SYT14: variants seen among roughly 807,000 people sequenced by gnomAD.
SYT14 encodes the protein synaptotagmin 14.
SYT14 carries 32 observed loss-of-function variants against 74.2 expected under a neutral mutation model. That is an observed-to-expected ratio of 0.43 (90% CI 0.33 to 0.58). The LOEUF (loss-of-function observed/expected upper bound fraction) is 0.58, where lower values mean the gene tolerates loss of function less well. Among genes scored for constraint, SYT14 ranks in the 20% least tolerant of loss-of-function variants. The pLI, the probability that SYT14 is intolerant of heterozygous loss-of-function variation, is 0.05. For missense variants in SYT14, 791 were observed against 981.8 expected (o/e 0.81, Z 2.60); for synonymous variants, 298 against 337.7 (o/e 0.88, Z 1.29).
chr1:210,057,877 C>G (rs1411231905), intron 5 of SYT14, among the ~76,000 whole-genome samples: 1 of 152,134 alleles, frequency 6.6e-6, no homozygotes, highest in African/African-American at 2.4e-5. Flanking sequence ...TTTCTTGTGA[C>G]TATTTGGGGG....
chr1:210,062,680 A>G (rs2081227513), intron 5 of SYT14, among the ~76,000 whole-genome samples: 1 of 151,732 alleles, frequency 6.6e-6, no homozygotes, highest in South Asian at 2.1e-4. Flanking sequence ...TGTACCTTTC[A>G]CTCCCATTTC....
chr1:210,160,613 C>A, intron 9 of SYT14, 116 bp from the exon 9 acceptor site: 2 of 856,768 alleles, frequency 2.3e-6, no homozygotes, highest in South Asian at 1.7e-5. Context: ...GTCCATTAAA[C>A]ATGGTATACA....
chr1:210,031,741 T>C (rs2080540675), intron 5 of SYT14, among the ~76,000 whole-genome samples: 1 of 152,090 alleles, frequency 6.6e-6, no homozygotes, highest in African/African-American at 2.4e-5. Flanking sequence ...TTGTGGCCAG[T>C]TGTGGTGGAG....
At chr1:209,951,802 A>G (rs1375656138) in intron 1 of SYT14, among the ~76,000 whole-genome samples, 1 of 152,244 alleles carries the variant, frequency 6.6e-6, no homozygotes, top group African/African-American at 2.4e-5. Context: ...CTATATGGAA[A>G]TGAAAAGGAA....
At chr1:210,012,840 T>C (rs2080111413) in intron 2 of SYT14, among the ~76,000 whole-genome samples, 1 of 151,682 alleles carries the variant, frequency 6.6e-6, no homozygotes, top group Non-Finnish European at 1.5e-5. Context: ...TAGCTGGGAT[T>C]ACAGGTGCCC....
At chr1:210,150,044 C>T (rs539088283) in intron 7 of SYT14, among the ~76,000 whole-genome samples, 2 of 152,274 alleles carry the variant, frequency 1.3e-5, no homozygotes, top group African/African-American at 4.8e-5. Context: ...CTGAAGCGGA[C>T]TTTATTGCAA....
chr1:209,965,767 C>A (rs999244237), intron 2 of SYT14: 1 of 376,978 alleles, frequency 2.7e-6, no homozygotes, highest in Admixed American at 3.4e-5. Context: ...ATATGGATAT[C>A]TAATTGTTTC....
In SYT14 at chr1:210,100,339, T is replaced by C. The variant is rs749362449; in HGVS notation, c.1912T>C (p.Tyr638His). Residue 638 changes from tyrosine to histidine, a missense_variant, in exon 7 of 10, where the codon TAT (tyrosine) becomes CAT (histidine). Tyr to His is a moderately conservative substitution (Grantham distance 83). Coordinates refer to ENST00000637265, the Ensembl canonical transcript of SYT14. The stretch of plus-strand genomic sequence containing the variant: ...AAATTATGCAGTTCGGTTTAGACTG[T>C]ATGGTGTACATCGCATGAAAAAAGA... 1.9e-6 allele frequency: 3 copies of C among 1,614,076 alleles called. No homozygotes were observed. In the Admixed American group the frequency reaches 5.0e-5, roughly 27 times the overall value.
intron 2 of SYT14, among the ~76,000 whole-genome samples, chr1:209,958,159 A>T (rs1368417454): frequency 6.6e-6 from 1 of 152,158 alleles, no homozygotes; most frequent in African/African-American, 2.4e-5. Context: ...CAATTTACTA[A>T]GTATTCCAAA....
chr1:210,054,186 C>A (rs2081054045), intron 5 of SYT14, among the ~76,000 whole-genome samples: 1 of 151,998 alleles, frequency 6.6e-6, no homozygotes, highest in Admixed American at 6.5e-5. Context: ...ATTGTTGATG[C>A]CAGGTATTTG....
intron 5 of SYT14, among the ~76,000 whole-genome samples, chr1:210,041,366 C>G (rs1366465778): frequency 6.6e-6 from 1 of 152,094 alleles, no homozygotes; most frequent in African/African-American, 2.4e-5. Context: ...ATGAGGAAAT[C>G]AAAGCTATAC....
chr1:210,164,231 G>A (rs2083430782), exon 10 of SYT14: 1 of 287,446 alleles, frequency 3.5e-6, no homozygotes, highest in African/African-American at 2.2e-5. Flanking sequence ...TGTGCATTTA[G>A]TGAATTCTCA....
intron 7 of SYT14, among the ~76,000 whole-genome samples, chr1:210,126,383 C>G (rs574803578): frequency 8.6e-5 from 13 of 151,510 alleles, no homozygotes; most frequent in African/African-American, 3.1e-4. Flanking sequence ...ACTGAATTGC[C>G]CAAAGTCACA....
intron 2 of SYT14, among the ~76,000 whole-genome samples, chr1:209,962,876 A>G (rs981525548): frequency 6.6e-6 from 1 of 152,112 alleles, no homozygotes; most frequent in African/African-American, 2.4e-5. Context: ...AAAGCCATCT[A>G]AAAGTGTCAT....
At chr1:210,031,293 G>A (rs2080529177) in intron 5 of SYT14, among the ~76,000 whole-genome samples, 1 of 151,978 alleles carries the variant, frequency 6.6e-6, no homozygotes. Context: ...AACCCAGTTG[G>A]TTGTGGTTTT....
At chr1:210,128,222 A>C (rs1005723195) in intron 7 of SYT14, among the ~76,000 whole-genome samples, 1 of 151,804 alleles carries the variant, frequency 6.6e-6, no homozygotes, top group African/African-American at 2.4e-5. Context: ...AAAATGTTTT[A>C]AAAAATTAGT....
intron 7 of SYT14, among the ~76,000 whole-genome samples, chr1:210,116,819 A>G (rs1019365050): frequency 1.2e-4 from 18 of 152,176 alleles, no homozygotes; most frequent in African/African-American, 4.1e-4. Flanking sequence ...CAGGTGTTCA[A>G]TGAACACTTA....
chr1:210,007,186 A>C (rs866849661), intron 2 of SYT14, among the ~76,000 whole-genome samples: 5 of 151,996 alleles, frequency 3.3e-5, no homozygotes, highest in South Asian at 2.1e-4. Context: ...AAATATAAAG[A>C]TATAACTGCC....
intron 5 of SYT14, among the ~76,000 whole-genome samples, chr1:210,078,193 C>T (rs1252918774): frequency 6.6e-6 from 1 of 150,814 alleles, no homozygotes. Flanking sequence ...GCCTGTAGTC[C>T]CAGCTACTCG....
Sources: gnomAD v4.1 joint callset for allele counts (sites outside exome capture counted in the v4.1 genomes callset) on GRCh38, gnomAD v4.1.1 for gene constraint, MANE v1.5 for transcripts, NCBI Gene and HGNC (gene_info 2026-07-23, HGNC 2026-07-21) for gene names.